ZNF804B: variants seen among roughly 807,000 people sequenced by gnomAD.
ZNF804B encodes the protein zinc finger protein 804B.
Under a neutral mutation model 101.4 loss-of-function variants are expected in ZNF804B, and 80 were observed. The observed-to-expected ratio is 0.79, with a 90% CI of 0.66 to 0.95. The LOEUF (loss-of-function observed/expected upper bound fraction) is 0.95, where lower values mean the gene tolerates loss of function less well. Among genes scored for constraint, ZNF804B ranks in the 40% least tolerant of loss-of-function variants. The pLI, the probability that ZNF804B is intolerant of heterozygous loss-of-function variation, is 0.00. For synonymous variants in ZNF804B, 622 were observed against 558.8 expected (o/e 1.11, Z -1.59); for missense variants, 1,673 against 1,561.9 (o/e 1.07, Z -1.20).
At chr7:89,100,337 G>A (rs920055363) in intron 1 of ZNF804B, among the ~76,000 whole-genome samples, 12 of 152,082 alleles carry the variant, frequency 7.9e-5, no homozygotes, top group South Asian at 4.1e-4. Flanking sequence ...GACTTAAATC[G>A]AAGCCATCCA....
chr7:88,847,184 A>G (rs980938111), intron 1 of ZNF804B, among the ~76,000 whole-genome samples: 2 of 152,100 alleles, frequency 1.3e-5, no homozygotes, highest in South Asian at 2.1e-4. Flanking sequence ...ATATATATCA[A>G]TGAAGTGAAA....
chr7:88,856,011 T>C (rs1468951692), intron 1 of ZNF804B, among the ~76,000 whole-genome samples: 3 of 152,192 alleles, frequency 2.0e-5, no homozygotes, highest in Admixed American at 2.0e-4. Flanking sequence ...ACTGTAGCCT[T>C]GTAGTATAGT....
intron 1 of ZNF804B, among the ~76,000 whole-genome samples, chr7:89,019,072 AGTTT>A (rs879858947): frequency 9.9e-5 from 15 of 151,722 alleles, no homozygotes; most frequent in Non-Finnish European, 1.5e-4. Flanking sequence ...GAGCATTGTT[AGTTT>A]GTTTGTTTGA....
At chr7:88,959,525 C>G (rs1225287223) in intron 1 of ZNF804B, among the ~76,000 whole-genome samples, 1 of 151,268 alleles carries the variant, frequency 6.6e-6, no homozygotes. Flanking sequence ...TGGCTGGAAC[C>G]TTTATTCTAC....
chr7:89,092,152 G>A (rs1354708230), intron 1 of ZNF804B, among the ~76,000 whole-genome samples: 4 of 151,422 alleles, frequency 2.6e-5, no homozygotes, highest in Non-Finnish European at 5.9e-5. Context: ...TTATTAGATG[G>A]TGCCTTTTAG....
intron 1 of ZNF804B, among the ~76,000 whole-genome samples, chr7:88,923,142 A>G (rs1528933): frequency 0.26 from 39,251 of 151,888 alleles, 6,567 homozygotes; most frequent in African/African-American, 0.46. Flanking sequence ...GCTTTCTGGT[A>G]TGGCATTGTG....
chr7:89,213,784 A>G (rs73206562), intron 1 of ZNF804B, among the ~76,000 whole-genome samples: 13,215 of 150,588 alleles, frequency 0.088, 728 homozygotes, highest in Middle Eastern at 0.16. Flanking sequence ...ATTTCTAAAC[A>G]TGTTTGTGCC....
At chr7:88,883,642 C>A (rs1792076461) in intron 1 of ZNF804B, among the ~76,000 whole-genome samples, 1 of 152,124 alleles carries the variant, frequency 6.6e-6, no homozygotes, top group African/African-American at 2.4e-5. Flanking sequence ...CAAATCAAAT[C>A]ATATGCTTGT....
At chr7:89,047,603 A>G (rs76878161) in intron 1 of ZNF804B, among the ~76,000 whole-genome samples, 447 of 152,342 alleles carry the variant, frequency 2.9e-3, no homozygotes, top group Middle Eastern at 0.01. Flanking sequence ...GTAGCCAAAT[A>G]TAAATGTTCA....
chr7:89,052,455 A>C (rs1789221319), intron 1 of ZNF804B, among the ~76,000 whole-genome samples: 1 of 152,316 alleles, frequency 6.6e-6, no homozygotes, highest in African/African-American at 2.4e-5. Flanking sequence ...ACAAGAAGTA[A>C]TTAAAATAGT....
chr7:89,313,622 T>C (rs1001845872), intron 2 of ZNF804B, among the ~76,000 whole-genome samples: 8 of 152,238 alleles, frequency 5.3e-5, no homozygotes, highest in Non-Finnish European at 1.0e-4. Context: ...CAAAGCATTC[T>C]TGCTGGCAGG....
intron 2 of ZNF804B, among the ~76,000 whole-genome samples, chr7:89,245,658 T>TAAAA (rs1789431846): frequency 6.6e-6 from 1 of 152,214 alleles, no homozygotes; most frequent in Admixed American, 6.5e-5. Flanking sequence ...TAGAGGCTTT[T>TAAAA]AGCATGCTTC....
In ZNF804B at chr7:89,033,915, GCAT is replaced by G. The variant is rs1297475984; in HGVS notation, c.109-184236_109-184234del. On this transcript the variant is annotated intron_variant, in intron 1 of 3. Transcript: ENST00000333190. ...GATTAAAGAACTATGATCATTTATT[GCAT>G]CATTTTTCATAACTTTTATTATTAG... Among the ~76,000 whole-genome samples, 10 of 151,790 alleles carry G rather than the reference GCAT, an allele frequency of 6.6e-5. 1 individual carries two copies. The highest frequency in any genetic ancestry group is 1.2e-4 in the Non-Finnish European group (8 of 67,940).
chr7:88,959,662 C>T lies in ZNF804B; in HGVS notation c.108+199578C>T, dbSNP rs146507093. 9.4e-3 allele frequency among the ~76,000 whole-genome samples: 1,420 copies of T among 151,426 alleles called. 13 individuals are homozygous for T. Among genetic ancestry groups the T allele is most frequent in the Middle Eastern group, 0.041 (12 of 294 alleles). ...AAGTACTTCCCTCATAGATTTATAA[C>T]GTGTTTGCATACTGATAGCTGCTCT... On this transcript the variant is annotated intron_variant, in intron 1 of 3. Transcript: ENST00000333190.
chr7:89,051,013 A>G (rs1187304120), intron 1 of ZNF804B, among the ~76,000 whole-genome samples: 1 of 152,022 alleles, frequency 6.6e-6, no homozygotes, highest in Non-Finnish European at 1.5e-5. Context: ...TATTATGGAT[A>G]TCACTCCTGG....
intron 1 of ZNF804B, among the ~76,000 whole-genome samples, chr7:89,047,214 C>A (rs1234272197): frequency 1.3e-5 from 2 of 152,082 alleles, no homozygotes; most frequent in African/African-American, 2.4e-5. Flanking sequence ...CTGCCTTGGA[C>A]TTTGTAAAGT....
chr7:88,840,990 G>C (rs1230257847), intron 1 of ZNF804B, among the ~76,000 whole-genome samples: 1 of 152,132 alleles, frequency 6.6e-6, no homozygotes. Context: ...TTATTATACT[G>C]TCCTAGTTAA....
intron 1 of ZNF804B, among the ~76,000 whole-genome samples, chr7:88,878,679 C>T (rs1473690377): frequency 2.0e-5 from 3 of 152,004 alleles, no homozygotes; most frequent in African/African-American, 7.3e-5. Context: ...AGAAATTGGC[C>T]ATTTGGGATA....
chr7:89,208,493 TC>T (rs1223067919), intron 1 of ZNF804B, among the ~76,000 whole-genome samples: 1 of 152,272 alleles, frequency 6.6e-6, no homozygotes, highest in African/African-American at 2.4e-5. Context: ...ATATCTTCCC[TC>T]TTTTTCCTTC....
Sources: gnomAD v4.1 joint callset for allele counts (sites outside exome capture counted in the v4.1 genomes callset) on GRCh38, gnomAD v4.1.1 for gene constraint, MANE v1.5 for transcripts, NCBI Gene and HGNC (gene_info 2026-07-23, HGNC 2026-07-21) for gene names.